The following MALRD1 variants were observed in gnomAD, a reference collection of about 807,000 sequenced individuals.
The protein encoded by MALRD1 is MAM and LDL-receptor class A domain-containing protein 1.
Under a neutral mutation model 242.1 loss-of-function variants are expected in MALRD1, and 247 were observed. The ratio of observed to expected loss-of-function variants is 1.02; its 90% CI spans 0.92 to 1.13. The LOEUF (loss-of-function observed/expected upper bound fraction) is 1.13, where lower values mean the gene tolerates loss of function less well. Among genes scored for constraint, MALRD1 ranks in the 50% most tolerant of loss-of-function variants. The pLI, the probability that MALRD1 is intolerant of heterozygous loss-of-function variation, is 0.00. For missense variants in MALRD1, 2,989 were observed against 2,533.1 expected (o/e 1.18, Z -3.86); for synonymous variants, 995 against 866.6 (o/e 1.15, Z -2.60).
intron 21 of MALRD1, among the ~76,000 whole-genome samples, chr10:19,292,779 G>C (rs368915290): frequency 2.0e-5 from 3 of 151,270 alleles, no homozygotes; most frequent in African/African-American, 7.3e-5. Flanking sequence ...TGTAGTCCCA[G>C]CTACTCGGGA....
intron 20 of MALRD1, 139 bp from the exon 21 acceptor site, chr10:19,282,880 A>G (rs1384260843): frequency 1.7e-6 from 1 of 576,020 alleles, no homozygotes; most frequent in African/African-American, 1.9e-5. Flanking sequence ...GATTTTACAA[A>G]CCATTTGCCT....
At chr10:19,560,509 A>C (rs1487970307) in intron 32 of MALRD1, among the ~76,000 whole-genome samples, 1 of 152,144 alleles carries the variant, frequency 6.6e-6, no homozygotes, top group African/African-American at 2.4e-5. Context: ...AGACACATGC[A>C]CATGTATGTT....
chr10:19,380,385 G>T (rs1321042670), intron 26 of MALRD1, among the ~76,000 whole-genome samples: 2 of 151,470 alleles, frequency 1.3e-5, no homozygotes, highest in Non-Finnish European at 2.9e-5. Flanking sequence ...TATTCTGATG[G>T]AATTCCAACA....
At chr10:19,146,541 C>T (rs12255461) in intron 11 of MALRD1, among the ~76,000 whole-genome samples, 197 bp downstream of exon 11, 11,818 of 152,192 alleles carry the variant, frequency 0.078, 562 homozygotes, top group Non-Finnish European at 0.11. Flanking sequence ...TAATCACCAA[C>T]ATGTTTGTTG....
intron 28 of MALRD1, among the ~76,000 whole-genome samples, chr10:19,446,064 G>T (rs1429596323): frequency 1.3e-5 from 2 of 152,164 alleles, no homozygotes; most frequent in Non-Finnish European, 2.9e-5. Context: ...GTGAGGCTCT[G>T]TGGGCGTGGG....
At chr10:19,152,637 G>C (rs1833984729) in intron 11 of MALRD1, among the ~76,000 whole-genome samples, 1 of 151,934 alleles carries the variant, frequency 6.6e-6, no homozygotes, top group Non-Finnish European at 1.5e-5. Context: ...GAAACTTACT[G>C]CTAAGATAAG....
At chr10:19,698,803 C>G (rs1833488876) in intron 38 of MALRD1, among the ~76,000 whole-genome samples, 1 of 152,142 alleles carries the variant, frequency 6.6e-6, no homozygotes, top group African/African-American at 2.4e-5. Flanking sequence ...TAGATGGCCA[C>G]TGGAGTATTC....
At chr10:19,441,245 T>C (rs1834629532) in intron 28 of MALRD1, among the ~76,000 whole-genome samples, 1 of 152,232 alleles carries the variant, frequency 6.6e-6, no homozygotes, top group Non-Finnish European at 1.5e-5. Context: ...TATTAGTCCT[T>C]TGTAAGATGG....
At chr10:19,056,090 T>C (rs1263151602) in intron 1 of MALRD1, among the ~76,000 whole-genome samples, 1 of 152,200 alleles carries the variant, frequency 6.6e-6, no homozygotes, top group Non-Finnish European at 1.5e-5. Flanking sequence ...GTTTTGATTA[T>C]AGTTGCTTTA....
chr10:19,280,896 C>T (rs528474130), intron 20 of MALRD1, among the ~76,000 whole-genome samples: 94 of 152,222 alleles, frequency 6.2e-4, no homozygotes, highest in Non-Finnish European at 1.2e-3. Flanking sequence ...AATATCTTTC[C>T]CTTCCCTGTT....
At chr10:19,386,501 A>C (rs1429336992) in intron 26 of MALRD1, among the ~76,000 whole-genome samples, 1 of 152,136 alleles carries the variant, frequency 6.6e-6, no homozygotes, top group East Asian at 1.9e-4. Context: ...AACTTTTTCT[A>C]TTGAAATATT....
At chr10:19,139,268 A>G (rs1447451384) in intron 10 of MALRD1, among the ~76,000 whole-genome samples, 1 of 152,248 alleles carries the variant, frequency 6.6e-6, no homozygotes, top group Non-Finnish European at 1.5e-5. Context: ...GTGCATATGT[A>G]TATTCTTACA....
intron 21 of MALRD1, among the ~76,000 whole-genome samples, chr10:19,314,174 A>T (rs1036708917): frequency 1.3e-5 from 2 of 151,598 alleles, no homozygotes; most frequent in Admixed American, 6.6e-5. Flanking sequence ...AAATGTGTGC[A>T]TTGGTATGTA....
At chr10:19,512,392 CAGCAG>C (rs1262548340) in intron 31 of MALRD1, among the ~76,000 whole-genome samples, 1 of 152,186 alleles carries the variant, frequency 6.6e-6, no homozygotes, top group Admixed American at 6.5e-5. Context: ...CCATCAAGGA[CAGCAG>C]TAATACATTT....
At chr10:19,287,461 G>C (rs1841179881) in intron 21 of MALRD1, among the ~76,000 whole-genome samples, 1 of 151,888 alleles carries the variant, frequency 6.6e-6, no homozygotes, top group Non-Finnish European at 1.5e-5. Flanking sequence ...GCAGTATTCT[G>C]ATTCTTTAAA....
intron 18 of MALRD1, among the ~76,000 whole-genome samples, chr10:19,254,823 G>C (rs1176002100): frequency 1.3e-5 from 2 of 151,880 alleles, no homozygotes; most frequent in African/African-American, 2.4e-5. Context: ...TATTGGAATT[G>C]TGTAATATTT....
At chr10:19,478,612 G>C (rs777059248) in intron 29 of MALRD1, among the ~76,000 whole-genome samples, 1 of 151,538 alleles carries the variant, frequency 6.6e-6, no homozygotes, top group African/African-American at 2.4e-5. Context: ...TTTATATCTC[G>C]TACTAAGTTC....
At chr10:19,688,197 C>G (rs1478144286) in intron 36 of MALRD1, among the ~76,000 whole-genome samples, 1 of 152,164 alleles carries the variant, frequency 6.6e-6, no homozygotes, top group Non-Finnish European at 1.5e-5. Flanking sequence ...CTTGGAACTT[C>G]TGATCTCAGA....
chr10:19,475,716 G>T (rs752105633), intron 29 of MALRD1, among the ~76,000 whole-genome samples: 2 of 152,118 alleles, frequency 1.3e-5, no homozygotes, highest in Non-Finnish European at 2.9e-5. Context: ...AACATAACTT[G>T]TTCATTGACC....
Sources: allele counts gnomAD v4.1 joint callset (sites outside exome capture counted in the v4.1 genomes callset), GRCh38; gene constraint gnomAD v4.1.1; transcripts MANE v1.5; gene names NCBI Gene and HGNC (gene_info 2026-07-23, HGNC 2026-07-21).